Variants in EPHA6 observed in about 807,000 individuals in gnomAD.
EPHA6 encodes the protein ephrin type-A receptor 6.
A neutral mutation model predicts 112.0 loss-of-function variants in EPHA6; 50 were observed. The observed-to-expected ratio is 0.45, with a 90% CI of 0.36 to 0.56. The LOEUF (loss-of-function observed/expected upper bound fraction) is 0.56. Ranked by LOEUF, EPHA6 falls within the 20% of genes least tolerant of loss-of-function variation. EPHA6 has a pLI of 0.00. For synonymous variants in EPHA6, 529 were observed against 490.7 expected (o/e 1.08, Z -1.03); for missense variants, 1,280 against 1,417.4 (o/e 0.90, Z 1.56).
At chr3:97,282,425 C>A (rs1309791292) in intron 5 of EPHA6, among the ~76,000 whole-genome samples, 2 of 152,038 alleles carry the variant, frequency 1.3e-5, no homozygotes, top group Non-Finnish European at 2.9e-5. Flanking sequence ...GAAGACAATG[C>A]GGCAATTCCT....
intron 12 of EPHA6, among the ~76,000 whole-genome samples, chr3:97,609,957 A>G (rs998695761): frequency 1.3e-5 from 2 of 151,564 alleles, no homozygotes; most frequent in Non-Finnish European, 1.5e-5. Flanking sequence ...AACTTGGGCA[A>G]TTGGGCAGAA....
intron 11 of EPHA6, among the ~76,000 whole-genome samples, chr3:97,586,943 A>G (rs1237687489): frequency 6.6e-6 from 1 of 152,186 alleles, no homozygotes; most frequent in Non-Finnish European, 1.5e-5. Context: ...AATACTGGAT[A>G]CTCAAGTATA....
At chr3:97,084,717 A>T (rs2046839200) in intron 3 of EPHA6, among the ~76,000 whole-genome samples, 1 of 152,118 alleles carries the variant, frequency 6.6e-6, no homozygotes, top group South Asian at 2.1e-4. Flanking sequence ...TTCTGCAAGG[A>T]TAGTTACAAA....
intron 11 of EPHA6, among the ~76,000 whole-genome samples, chr3:97,549,274 T>C (rs1294279694): frequency 6.6e-6 from 1 of 152,182 alleles, no homozygotes; most frequent in African/African-American, 2.4e-5. Flanking sequence ...GATTTAATCT[T>C]GTGTGGTTTT....
chr3:97,695,836 GC>G (rs1271054545), intron 14 of EPHA6, among the ~76,000 whole-genome samples: 1 of 152,182 alleles, frequency 6.6e-6, no homozygotes, highest in East Asian at 1.9e-4. Flanking sequence ...ATCATGCCCA[GC>G]CCAGGTGACA....
chr3:97,368,116 C>G (rs1435495054), intron 5 of EPHA6, among the ~76,000 whole-genome samples: 2 of 152,154 alleles, frequency 1.3e-5, no homozygotes, highest in African/African-American at 2.4e-5. Flanking sequence ...TGGAATATTG[C>G]AAGCCTTTCC....
At chr3:97,404,140 TTG>T (rs1204545517) in intron 5 of EPHA6, among the ~76,000 whole-genome samples, 1 of 152,212 alleles carries the variant, frequency 6.6e-6, no homozygotes, top group Non-Finnish European at 1.5e-5. Context: ...ATATGTCACT[TTG>T]TGTTGTGCAG....
chr3:97,303,103 A>C (rs2081163577), intron 5 of EPHA6, among the ~76,000 whole-genome samples: 1 of 151,970 alleles, frequency 6.6e-6, no homozygotes, highest in South Asian at 2.1e-4. Flanking sequence ...TAATTTTAAA[A>C]AGTGTTAGAC....
intron 11 of EPHA6, among the ~76,000 whole-genome samples, chr3:97,544,026 G>A (rs547254619): frequency 1.3e-5 from 2 of 152,304 alleles, no homozygotes; most frequent in East Asian, 3.9e-4. Flanking sequence ...ATACAATCAT[G>A]TCATCTGCCA....
chr3:97,257,227 A>AAT (rs1303704644), intron 5 of EPHA6, among the ~76,000 whole-genome samples: 2 of 151,986 alleles, frequency 1.3e-5, no homozygotes, highest in African/African-American at 4.8e-5. Flanking sequence ...TATAGGTGTG[A>AAT]ATATAAATAA....
rs181421922 is a variant in EPHA6, at chr3:97,757,577, C to T, written c.*8876C>T. 4.5e-4 allele frequency among the ~76,000 whole-genome samples: 68 copies of T among 151,392 alleles called. No individual in the cohort carries two copies. Among genetic ancestry groups the T allele is most frequent in the Admixed American group, 1.6e-3 (24 of 15,214 alleles). ...CCATGGATAATAAAGAGATTTTTTT[C>T]CAGCCATCATTAAATATAAAAATAG... On this transcript the variant is annotated 3_prime_UTR_variant, in exon 18 of 18. Coordinates refer to ENST00000389672, the MANE Select transcript of EPHA6 (RefSeq NM_001080448.3).
chr3:96,915,056 G>A (rs1387923236), intron 2 of EPHA6, among the ~76,000 whole-genome samples: 1 of 150,434 alleles, frequency 6.6e-6, no homozygotes, highest in Non-Finnish European at 1.5e-5. Context: ...TACCATGATT[G>A]AATCTACTAG....
At chr3:97,414,996 G>T (rs1157781141) in intron 6 of EPHA6, among the ~76,000 whole-genome samples, 1 of 151,896 alleles carries the variant, frequency 6.6e-6, no homozygotes, top group Non-Finnish European at 1.5e-5. Flanking sequence ...TGACTTACTT[G>T]CAGAACAGAA....
chr3:96,856,081 A>C (rs1434738000), intron 1 of EPHA6, among the ~76,000 whole-genome samples: 1 of 152,074 alleles, frequency 6.6e-6, no homozygotes, highest in African/African-American at 2.4e-5. Context: ...TCTAGAAAAA[A>C]GTGCAAACAT....
Position 97,587,676 on chromosome 3 carries a change from C to T in EPHA6, c.2387-4936C>T, listed in dbSNP as rs749602117. ...GCTCCTGGTGGTTTTTTGTGGCCTC[C>T]TCTTTTTAGATACCATCCTTATTTT... On this transcript the variant is annotated intron_variant, in intron 11 of 17. Transcript: ENST00000389672. 2.6e-5 allele frequency among the ~76,000 whole-genome samples: 4 copies of T among 152,090 alleles called. No individual in the cohort carries two copies. The South Asian group carries it at 6.2e-4, about 24-fold the overall frequency.
chr3:97,547,561 G>A (rs879932052), intron 11 of EPHA6, among the ~76,000 whole-genome samples: 21 of 152,274 alleles, frequency 1.4e-4, no homozygotes, highest in African/African-American at 2.4e-4. Flanking sequence ...CTCAAGCTGC[G>A]TGCTGGGAGA....
chr3:97,262,103 A>T (rs1319150093), intron 5 of EPHA6, among the ~76,000 whole-genome samples: 1 of 152,196 alleles, frequency 6.6e-6, no homozygotes, highest in Non-Finnish European at 1.5e-5. Flanking sequence ...TAAATAATGA[A>T]AAGATTAAGA....
chr3:97,396,134 C>CT (rs2086680124), intron 5 of EPHA6, among the ~76,000 whole-genome samples: 1 of 151,456 alleles, frequency 6.6e-6, no homozygotes, highest in African/African-American at 2.4e-5. Flanking sequence ...TATTAAATGG[C>CT]TTATAAGGTC....
rs569070737 is a variant in EPHA6, at chr3:97,688,532, A to C, written c.2785-31729A>C. Among the ~76,000 whole-genome samples, 4 of 138,658 alleles carry C rather than the reference A, an allele frequency of 2.9e-5. No homozygotes were observed. In the South Asian group the frequency reaches 9.1e-4, roughly 31 times the overall value. 91.0% of individuals were successfully genotyped at this position (138,658 alleles called of 152,430 possible). ...TAGGTGGGAACTGAACAATGAGAAC[A>C]CATGGACACAGGATGGGGAACATCA... On this transcript the variant is annotated intron_variant, in intron 14 of 17. Coordinates refer to ENST00000389672, the MANE Select transcript of EPHA6 (RefSeq NM_001080448.3).
Sources: gnomAD v4.1 joint callset for allele counts (sites outside exome capture counted in the v4.1 genomes callset) on GRCh38, gnomAD v4.1.1 for gene constraint, MANE v1.5 for transcripts, NCBI Gene and HGNC (gene_info 2026-07-23, HGNC 2026-07-21) for gene names.